The following TSHZ1 variants were observed in gnomAD, a reference collection of about 807,000 sequenced individuals.
TSHZ1 encodes teashirt homolog 1.
In TSHZ1, 12 loss-of-function variants were observed where a neutral mutation model predicts 67.1. The observed-to-expected ratio is 0.18, with a 90% confidence interval of 0.11 to 0.29. The LOEUF (loss-of-function observed/expected upper bound fraction) is 0.29. Ranked by LOEUF, TSHZ1 falls within the 10% of genes least tolerant of loss-of-function variation. The probability of loss-of-function intolerance (pLI) is 1.00; values close to 1 mark genes in which losing one functional copy is unlikely to be tolerated. For synonymous variants in TSHZ1, 632 were observed against 622.4 expected (o/e 1.02, Z -0.23); for missense variants, 1,305 against 1,413.9 (o/e 0.92, Z 1.23).
At chr18:75,241,326 T>G (rs2404869) in intron 1 of TSHZ1, among the ~76,000 whole-genome samples, 174 of 152,010 alleles carry the variant, frequency 1.1e-3, no homozygotes, top group Middle Eastern at 3.4e-3. Flanking sequence ...TAAAAGCGAT[T>G]GGTAGCCTTG....
chr18:75,288,577 G>C lies in TSHZ1; in HGVS notation c.3170G>C (p.Ser1057Thr). The part of the protein sequence containing the change: ...ASKHAVKLHL[S>T]KTHGKSPEDH... ...AAGCACGCAGTCAAACTGCACCTTAGTAAGACCCACGGCAAGTCTCCCGAG... is the reference window on the plus strand; with the variant it reads ...AAGCACGCAGTCAAACTGCACCTTACTAAGACCCACGGCAAGTCTCCCGAG... The change falls in exon 2 of 2, where the codon AGT (serine) becomes ACT (threonine). Residue 1057 changes from serine (S) to threonine (T), a missense_variant. Ser to Thr is a moderately conservative substitution (Grantham distance 58). This residue lies in a region of TSHZ1 where 909 missense variants were observed against 961.8 expected (regional missense o/e 0.95). Coordinates refer to ENST00000580243, the MANE Select transcript of TSHZ1 (RefSeq NM_001308210.2). The surrounding 1 kb of genome is among the most constrained non-coding windows in gnomAD (Gnocchi z 4.9). 1 of 1,613,864 alleles carries C rather than the reference G, an allele frequency of 6.2e-7. No homozygotes were observed.
chr18:75,223,701 A>G (rs1344919034), intron 1 of TSHZ1, among the ~76,000 whole-genome samples: 1 of 149,780 alleles, frequency 6.7e-6, no homozygotes, highest in East Asian at 2.0e-4. Context: ...TCCTCACTCG[A>G]GTTTGTAGTT....
intron 1 of TSHZ1, among the ~76,000 whole-genome samples, chr18:75,240,208 G>A (rs931789456): frequency 2.6e-5 from 4 of 152,242 alleles, no homozygotes; most frequent in East Asian, 1.9e-4. Flanking sequence ...GCCTAAGTAT[G>A]GATTTAGTTT....
In TSHZ1 at chr18:75,258,472, T is replaced by A. The variant is rs151034745; in HGVS notation, c.41-26976T>A. 2.6e-4 allele frequency among the ~76,000 whole-genome samples: 40 copies of A among 152,322 alleles called. No homozygotes were observed. In the East Asian group the frequency reaches 5.8e-3, roughly 22 times the overall value. On this transcript the variant is annotated intron_variant, in intron 1 of 1. Transcript: ENST00000580243. ...AAGTTGCAAGTATTTGTGTACTTTA[T>A]AAATGCAAGAAACTAAGCTTTACAG...
chr18:75,251,926 G>A (rs1457811626), intron 1 of TSHZ1, among the ~76,000 whole-genome samples: 4 of 152,068 alleles, frequency 2.6e-5, no homozygotes, highest in African/African-American at 9.7e-5. Flanking sequence ...AAGTGATACA[G>A]GCTTATTTTA....
rs1242252257 is a variant in TSHZ1 at position 75,211,754 on chromosome 18, G to A, written c.-123G>A. 61 of 515,772 alleles carry A rather than the reference G, an allele frequency of 1.2e-4. No individual in the cohort carries two copies. Among genetic ancestry groups the A allele is most frequent in the Non-Finnish European group, 1.4e-4 (55 of 402,368 alleles). The allele number at this position is 515,772 out of a possible 1,614,324, so 31.9% of individuals were successfully genotyped here. A position where few individuals can be genotyped will look rare whatever the true frequency, so the allele number is the denominator to read the frequency against. On this transcript the variant is annotated 5_prime_UTR_variant, in exon 1 of 2. Coordinates refer to ENST00000580243, the MANE Select transcript of TSHZ1 (RefSeq NM_001308210.2). Reference sequence around the variant, plus strand: ...GTCCGCGGCGCGCCCGGAGCCCGGAGCCCGCGGGGACGAGGCCAAAGTTGG... The same window carrying A: ...GTCCGCGGCGCGCCCGGAGCCCGGAACCCGCGGGGACGAGGCCAAAGTTGG...
intron 1 of TSHZ1, among the ~76,000 whole-genome samples, chr18:75,216,061 G>T (rs1481237347): frequency 6.6e-6 from 1 of 152,098 alleles, no homozygotes; most frequent in Non-Finnish European, 1.5e-5. Context: ...AGATTTAGGC[G>T]CCGCCTGCGT....
At chr18:75,228,218 A>G (rs1031070129) in intron 1 of TSHZ1, among the ~76,000 whole-genome samples, 2 of 152,230 alleles carry the variant, frequency 1.3e-5, no homozygotes, top group Non-Finnish European at 2.9e-5. Flanking sequence ...AAGAGACAGC[A>G]TGCCAGTGGT....
Position 75,288,138 on chromosome 18 carries a change from A to G in TSHZ1, c.2731A>G (p.Thr911Ala). 1 of 1,614,020 alleles carries G rather than the reference A, an allele frequency of 6.2e-7. No individual in the cohort carries two copies. Residue 911 changes from threonine (T) to alanine (A), a missense_variant, in exon 2 of 2, where the codon ACC (threonine) becomes GCC (alanine). Physicochemically the swap from Thr to Ala is moderately conservative, Grantham distance 58. Coordinates refer to ENST00000580243, the MANE Select transcript of TSHZ1 (RefSeq NM_001308210.2). This position sits in a 1 kb window ranked among gnomAD's most constrained non-coding sequence, Gnocchi z 4.9. ...CCAGTTCGCCTCGAGCTTGCGGGAG[A>G]CCACAGAGGGCAAGTACATCATGTC... ...QAQFASSLRETTEGKYIMSDL... is the reference protein window; with the variant it reads ...QAQFASSLREATEGKYIMSDL...
At chr18:75,268,364 A>C (rs1364498685) in intron 1 of TSHZ1, among the ~76,000 whole-genome samples, 1 of 152,206 alleles carries the variant, frequency 6.6e-6, no homozygotes, top group Non-Finnish European at 1.5e-5. Flanking sequence ...TTACAGCCAG[A>C]GTGTCGCTTT....
At chr18:75,217,094 A>T (rs539221031) in intron 1 of TSHZ1, among the ~76,000 whole-genome samples, 66 of 152,314 alleles carry the variant, frequency 4.3e-4, no homozygotes, top group African/African-American at 1.4e-3. Context: ...GGGTTTGCCA[A>T]GAGTTTTGGC....
chr18:75,286,112 C>T lies in TSHZ1; in HGVS notation c.705C>T (p.Leu235=). 1.9e-6 allele frequency: 3 copies of T among 1,612,778 alleles called. No individual in the cohort carries two copies. Among genetic ancestry groups the T allele is most frequent in the Non-Finnish European group, 2.5e-6 (3 of 1,178,952 alleles). ...AGCTCTACCGCCAGAACAACAAGCTCTACGGCTCCGTCTTCACGGGCGCCA... is the reference window on the plus strand; with the variant it reads ...AGCTCTACCGCCAGAACAACAAGCTTTACGGCTCCGTCTTCACGGGCGCCA... The part of the protein sequence containing the change: ...TVQLYRQNNK[L]YGSVFTGASK... The change falls in exon 2 of 2, where the codon CTC becomes CTT. Residue 235 remains leucine, a synonymous_variant. Coordinates refer to ENST00000580243, the MANE Select transcript of TSHZ1 (RefSeq NM_001308210.2). This position sits in a 1 kb window ranked among gnomAD's most constrained non-coding sequence, Gnocchi z 5.1.
chr18:75,240,850 A>G (rs1024435978), intron 1 of TSHZ1, among the ~76,000 whole-genome samples: 1 of 152,178 alleles, frequency 6.6e-6, no homozygotes, highest in African/African-American at 2.4e-5. Context: ...CTCAATTTTG[A>G]TCTTAAGAAT....
intron 1 of TSHZ1, among the ~76,000 whole-genome samples, chr18:75,244,865 C>T (rs551602166): frequency 9.9e-5 from 15 of 152,226 alleles, no homozygotes; most frequent in Admixed American, 3.9e-4. Flanking sequence ...CTGAAAAACA[C>T]GACCGTTTGA....
intron 1 of TSHZ1, among the ~76,000 whole-genome samples, chr18:75,212,711 C>T (rs962748011): frequency 2.0e-5 from 3 of 152,186 alleles, no homozygotes; most frequent in African/African-American, 7.2e-5. Context: ...CTCTCTCGCT[C>T]CCCCTTTTGC....
chr18:75,250,138 T>C lies in TSHZ1; in HGVS notation c.41-35310T>C, dbSNP rs185314771. Among the ~76,000 whole-genome samples, 196 of 144,328 alleles carry C rather than the reference T, an allele frequency of 1.4e-3. 1 individual carries two copies. The highest frequency in any genetic ancestry group is 5.0e-3 in the African/African-American group (193 of 38,424). 94.7% of individuals were successfully genotyped at this position (144,328 alleles called of 152,430 possible). On this transcript the variant is annotated intron_variant, in intron 1 of 1. Transcript: ENST00000580243. Reference sequence around the variant, plus strand: ...TGACCTCCCCGTCTGACCCCTGCAGTAGGTGGGGGGTGACTTCCTCCTCCC... The same window carrying C: ...TGACCTCCCCGTCTGACCCCTGCAGCAGGTGGGGGGTGACTTCCTCCTCCC...
intron 1 of TSHZ1, among the ~76,000 whole-genome samples, chr18:75,241,445 C>T (rs1052822713): frequency 6.6e-6 from 1 of 152,140 alleles, no homozygotes; most frequent in Non-Finnish European, 1.5e-5. Context: ...GCAGGTGAGT[C>T]TCCCCCTCCG....
At position 75,286,709 on chromosome 18, in the gene TSHZ1, C is replaced by A; in HGVS notation, c.1302C>A (p.His434Gln). 1 of 1,614,040 alleles carries A rather than the reference C, an allele frequency of 6.2e-7. No individual in the cohort carries two copies. Among genetic ancestry groups the A allele is most frequent in the Non-Finnish European group, 8.5e-7 (1 of 1,180,044 alleles). ...ACACGCTGCAGCAGCTCACCGCCCACATGATGGTCACCGGGCACTTCCTGA... is the reference window on the plus strand; with the variant it reads ...ACACGCTGCAGCAGCTCACCGCCCAAATGATGGTCACCGGGCACTTCCTGA... ...SHDTLQQLTA[H>Q]MMVTGHFLKV... The change falls in exon 2 of 2, where the codon CAC (histidine) becomes CAA (glutamine). Residue 434 changes from histidine to glutamine, a missense_variant. Coordinates refer to ENST00000580243, the MANE Select transcript of TSHZ1 (RefSeq NM_001308210.2). This position sits in a 1 kb window ranked among gnomAD's most constrained non-coding sequence, Gnocchi z 5.1.
chr18:75,276,468 T>G (rs2122603310), intron 1 of TSHZ1, among the ~76,000 whole-genome samples: 1 of 152,290 alleles, frequency 6.6e-6, no homozygotes, highest in South Asian at 2.1e-4. Flanking sequence ...CTCTGTGCAT[T>G]TTTTTGTTTC....
Sources: gnomAD v4.1 joint callset for allele counts (sites outside exome capture counted in the v4.1 genomes callset) on GRCh38, gnomAD v4.1.1 for gene constraint, gnomAD v4.1.1 regional missense constraint, Gnocchi (gnomAD v3.1) non-coding constraint, MANE v1.5 for transcripts, NCBI Gene and HGNC (gene_info 2026-07-23, HGNC 2026-07-21) for gene names.